The following SLC17A2 variants were observed in gnomAD, a reference collection of about 807,000 sequenced individuals.
SLC17A2 encodes solute carrier family 17 member 2, also known as sodium-dependent phosphate transport protein 3.
In SLC17A2, 38 loss-of-function variants were observed where a neutral mutation model predicts 52.1. The observed-to-expected ratio is 0.73, with a 90% CI of 0.56 to 0.96. The LOEUF is 0.96. SLC17A2 is among the 40% of genes least tolerant of loss of function. The pLI is 0.00. For missense variants in SLC17A2, 508 were observed against 583.9 expected (o/e 0.87, Z 1.34); for synonymous variants, 226 against 211.9 (o/e 1.07, Z -0.58).
chr6:25,928,880 A>G (rs1312592448), intron 1 of SLC17A2, among the ~76,000 whole-genome samples: 2 of 152,218 alleles, frequency 1.3e-5, no homozygotes, highest in Non-Finnish European at 2.9e-5. Flanking sequence ...TTGTAAGTAG[A>G]CACAGAAAAA....
At position 25,920,248 on chromosome 6, in the gene SLC17A2, G is replaced by A. The variant is rs889774984; in HGVS notation, c.562+758C>T. On this transcript the variant is annotated intron_variant, in intron 5 of 11. Coordinates refer to ENST00000377850, the MANE Select transcript of SLC17A2 (RefSeq NM_001286123.3). ...GGACCTAGGAGTGAGAAGCTGGATG[G>A]AATTTTAGTTCTGCTCTTCGAGTAT... 3.3e-5 allele frequency among the ~76,000 whole-genome samples: 5 copies of A among 152,280 alleles called. No homozygotes were observed. In the South Asian group the frequency reaches 1.0e-3, roughly 32 times the overall value.
intron 7 of SLC17A2, 44 bp downstream of exon 7, chr6:25,916,925 T>C: frequency 2.5e-6 from 4 of 1,604,224 alleles, no homozygotes; most frequent in Non-Finnish European, 3.4e-6. Flanking sequence ...CACCCTGCCC[T>C]AGAGACCTCT....
rs1766745717 is a variant in SLC17A2 at position 25,925,862 on chromosome 6, A to G, written c.-66T>C. The G allele has an allele frequency of 3.4e-6, 5 of 1,467,818 alleles. No individual in the cohort carries two copies. Among genetic ancestry groups the G allele is most frequent in the Non-Finnish European group, 4.8e-6 (5 of 1,046,718 alleles). 90.9% of individuals were successfully genotyped at this position (1,467,818 alleles called of 1,614,324 possible). A position where few individuals can be genotyped will look rare whatever the true frequency, so the allele number is the denominator to read the frequency against. Reference sequence around the variant, plus strand: ...TTTCCCTGTGCCCTGAATCTCTTTTACTACGACAGTCTTTTATCTATGGAG... The same window carrying G: ...TTTCCCTGTGCCCTGAATCTCTTTTGCTACGACAGTCTTTTATCTATGGAG... On this transcript the variant is annotated 5_prime_UTR_variant, in exon 2 of 12. Coordinates refer to ENST00000377850, the MANE Select transcript of SLC17A2 (RefSeq NM_001286123.3).
rs201466131 is a variant in SLC17A2 at position 25,918,598 on chromosome 6, C to T, written c.563-25G>A. ...CCTAAAGGAAAAAGGGAGAAAAACA[C>T]TTATGAAAATATCAAAGGCTGAGAC... is the stretch of plus-strand genomic sequence containing the variant. On this transcript the variant is annotated intron_variant, in intron 5 of 11. Coordinates refer to ENST00000377850, the MANE Select transcript of SLC17A2 (RefSeq NM_001286123.3). 7.4e-4 allele frequency: 1,124 copies of T among 1,519,096 alleles called. 7 individuals carry two copies. The African/African-American group carries it at 0.012, about 17-fold the overall frequency. The allele number at this position is 1,519,096 out of a possible 1,614,324, so 94.1% of individuals were successfully genotyped here.
intron 11 of SLC17A2, among the ~76,000 whole-genome samples, chr6:25,913,780 T>TTTTGTTG (rs1554137624): frequency 3.3e-5 from 5 of 149,490 alleles, no homozygotes; most frequent in East Asian, 4.0e-4. Context: ...TCTGTTTTTT[T>TTTTGTTG]TTGTTGTTGT....
At chr6:25,914,400 T>A (rs1254024152) in intron 11 of SLC17A2, 180 bp downstream of exon 11, 1 of 593,826 alleles carries the variant, frequency 1.7e-6, no homozygotes, top group Non-Finnish European at 3.0e-6. Flanking sequence ...CATCTATTCA[T>A]CTTGAGAAAA....
rs1322712406 is a variant in SLC17A2, at chr6:25,930,481, A to C, written c.-288T>G. 1 of 152,170 alleles carries C rather than the reference A, an allele frequency of 6.6e-6. No homozygotes were observed. The highest frequency in any genetic ancestry group is 1.9e-4 in the East Asian group (1 of 5,192). The allele number at this position is 152,170 out of a possible 1,614,324, so 9.4% of individuals were successfully genotyped here. On this transcript the variant is annotated 5_prime_UTR_variant, in exon 1 of 12. It adds an upstream start codon to the 5' untranslated region. Coordinates refer to ENST00000377850, the MANE Select transcript of SLC17A2 (RefSeq NM_001286123.3). ...TCTCCTAAAACTGTTCCCTCCCCTT[A>C]ATGGACCTTTGGTAAGTTAGTAATA... is the stretch of plus-strand genomic sequence containing the variant.
rs1692500441 is a variant in SLC17A2 at position 25,923,778 on chromosome 6, C to T, written c.157G>A (p.Gly53Ser). ...IAMVNTTQQQ[G>S]LSNASTEGPV... is the part of the protein sequence containing the mutation. ...CCCTCAGTGGAGGCATTAGATAGACCTTGCTGCTGAGTGGTGTTCACCATG... is the reference window on the plus strand; with the variant it reads ...CCCTCAGTGGAGGCATTAGATAGACTTTGCTGCTGAGTGGTGTTCACCATG... Residue 53 changes from glycine (G) to serine (S), a missense_variant, in exon 3 of 12, where the codon GGT becomes AGT. Gly to Ser is a moderately conservative substitution (Grantham distance 56). Coordinates refer to ENST00000377850, the MANE Select transcript of SLC17A2 (RefSeq NM_001286123.3). 4 of 1,614,172 alleles carry T rather than the reference C, an allele frequency of 2.5e-6. No homozygotes were observed. Among genetic ancestry groups the T allele is most frequent in the Non-Finnish European group, 1.7e-6 (2 of 1,180,034 alleles).
rs746681863 is a variant in SLC17A2, at chr6:25,918,589, A to AG, written c.563-17dup. On this transcript the variant is annotated splice_polypyrimidine_tract_variant and intron_variant, in intron 5 of 11. Transcript: ENST00000377850. ...AATGCTGACCCTAAAGGAAAAAGGG[A>AG]GAAAAACACTTATGAAAATATCAAA... 6.4e-7 allele frequency: 1 copy of AG among 1,554,914 alleles called. No individual in the cohort carries two copies. Among genetic ancestry groups the AG allele is most frequent in the South Asian group, 1.1e-5 (1 of 89,760 alleles).
At chr6:25,925,688 G>T in intron 2 of SLC17A2, 81 bp downstream of exon 2, 1 of 1,256,070 alleles carries the variant, frequency 8.0e-7, no homozygotes, top group Non-Finnish European at 1.2e-6. Context: ...CGAAGGGTCA[G>T]TGTGATGCAG....
In SLC17A2 at chr6:25,925,895, A is replaced by G; in HGVS notation, c.-83-16T>C. On this transcript the variant is annotated splice_polypyrimidine_tract_variant and intron_variant, in intron 1 of 11. Coordinates refer to ENST00000377850, the MANE Select transcript of SLC17A2 (RefSeq NM_001286123.3). Reference sequence around the variant, plus strand: ...AGTCTTTTATCTATGGAGAGAACATAATCCAAAACATAATACACAAATAAT... The same window carrying G: ...AGTCTTTTATCTATGGAGAGAACATGATCCAAAACATAATACACAAATAAT... 1 of 1,194,130 alleles carries G rather than the reference A, an allele frequency of 8.4e-7. No individual in the cohort carries two copies. 74.0% of individuals were successfully genotyped at this position (1,194,130 alleles called of 1,614,324 possible). A position where few individuals can be genotyped will look rare whatever the true frequency, so the allele number is the denominator to read the frequency against.
chr6:25,917,985 G>A (rs1430504761), intron 6 of SLC17A2, among the ~76,000 whole-genome samples: 1 of 152,228 alleles, frequency 6.6e-6, no homozygotes, highest in Non-Finnish European at 1.5e-5. Context: ...AGGAGAGAAT[G>A]CCAGAATCTG....
chr6:25,920,700 T>C (rs1350450996), intron 5 of SLC17A2, among the ~76,000 whole-genome samples: 1 of 152,208 alleles, frequency 6.6e-6, no homozygotes, highest in East Asian at 1.9e-4. Flanking sequence ...CTTGATCTTT[T>C]TCCATGTGTG....
At position 25,912,808 on chromosome 6, in the gene SLC17A2, T is replaced by C. The variant is rs1766152110; in HGVS notation, c.*509A>G. The C allele has an allele frequency of 6.6e-6, 1 of 152,238 alleles. No homozygotes were observed. Among genetic ancestry groups the C allele is most frequent in the Non-Finnish European group, 1.5e-5 (1 of 68,110 alleles). The allele number at this position is 152,238 out of a possible 1,614,324, so 9.4% of individuals were successfully genotyped here. A position where few individuals can be genotyped will look rare whatever the true frequency, so the allele number is the denominator to read the frequency against. ...ATTTAATCACATAAATAAACGTCTA[T>C]GTTTTACAATGTATAAAAAATAATA... On this transcript the variant is annotated 3_prime_UTR_variant, in exon 12 of 12. Transcript: ENST00000377850.
intron 1 of SLC17A2, among the ~76,000 whole-genome samples, chr6:25,928,494 GCTGT>G (rs1301326819): frequency 1.3e-5 from 2 of 152,034 alleles, no homozygotes; most frequent in Non-Finnish European, 2.9e-5. Context: ...ATTCTCTGTT[GCTGT>G]CTAACGAGAA....
rs1244176823 is a variant in SLC17A2, at chr6:25,914,595, T to C, written c.1287A>G (p.Gly429=). The C allele has an allele frequency of 1.2e-6, 2 of 1,611,452 alleles. No homozygotes were observed. Among genetic ancestry groups the C allele is most frequent in the Non-Finnish European group, 1.7e-6 (2 of 1,177,574 alleles). The change falls in exon 11 of 12, where the codon GGA becomes GGG. Residue 429 remains glycine, a synonymous_variant. Transcript: ENST00000377850. The part of the protein sequence containing the change: ...IAGIISSTAT[G]FLISQDFESG... The stretch of plus-strand genomic sequence containing the variant: ...CTGGCCCAACCTGACTGATGAGGAA[T>C]CCAGTGGCAGTGGAAGAGATGATTC...
At position 25,916,810 on chromosome 6, in the gene SLC17A2, T is replaced by C; in HGVS notation, c.805A>G (p.Met269Val). 2 of 1,614,042 alleles carry C rather than the reference T, an allele frequency of 1.2e-6. No homozygotes were observed. Among genetic ancestry groups the C allele is most frequent in the Non-Finnish European group, 1.7e-6 (2 of 1,179,972 alleles). The change falls in exon 8 of 12, where the codon ATG (methionine) becomes GTG (valine). Residue 269 changes from methionine to valine, a missense_variant. Transcript: ENST00000377850. Reference protein sequence around the residue: ...SPGRAVPIKAMVTCLPLWAIF... With the variant: ...SPGRAVPIKAVVTCLPLWAIF... ...GCCCAAAGTGGTAGGCATGTGACCA[T>C]CGCCTTTATGGGGACAGCTCGTCCA... is the stretch of plus-strand genomic sequence containing the variant.
chr6:25,919,468 G>C (rs868011320), intron 5 of SLC17A2, among the ~76,000 whole-genome samples: 8 of 151,930 alleles, frequency 5.3e-5, no homozygotes, highest in Admixed American at 3.9e-4. Context: ...AGCACTTTGG[G>C]AGGCCGAGGC....
At chr6:25,927,184 TGTG>T (rs1454162468) in intron 1 of SLC17A2, among the ~76,000 whole-genome samples, 2 of 152,354 alleles carry the variant, frequency 1.3e-5, no homozygotes, top group Middle Eastern at 3.4e-3. Flanking sequence ...ATTCATAATC[TGTG>T]ACCTTAGGAT....
Sources: allele counts gnomAD v4.1 joint callset (sites outside exome capture counted in the v4.1 genomes callset), GRCh38; gene constraint gnomAD v4.1.1; transcripts MANE v1.5; gene names NCBI Gene and HGNC (gene_info 2026-07-23, HGNC 2026-07-21).